The following GATAD2B variants were observed in gnomAD, a reference collection of about 807,000 sequenced individuals.
GATAD2B encodes GATA zinc finger domain containing 2B.
In GATAD2B, 8 loss-of-function variants were observed where a neutral mutation model predicts 64.3. The observed-to-expected ratio is 0.12, with a 90% confidence interval of 0.07 to 0.22. The LOEUF (loss-of-function observed/expected upper bound fraction) is 0.22, where lower values mean the gene tolerates loss of function less well. Among genes scored for constraint, GATAD2B ranks in the 10% least tolerant of loss-of-function variants. The pLI, the probability that GATAD2B is intolerant of heterozygous loss-of-function variation, is 1.00. For synonymous variants in GATAD2B, 281 were observed against 271.3 expected, an observed-to-expected ratio of 1.04 and a Z score of -0.35; for missense variants, 453 against 752.0, an observed-to-expected ratio of 0.60 and a Z score of 4.65.
chr1:153,888,533 A>G lies in GATAD2B; in HGVS notation c.-2+34200T>C, dbSNP rs149522092. Among the ~76,000 whole-genome samples, 79 of 152,292 alleles carry G rather than the reference A, an allele frequency of 5.2e-4. 1 individual carries two copies. The highest frequency in any genetic ancestry group is 1.8e-3 in the African/African-American group (75 of 41,570). On this transcript the variant is annotated intron_variant, in intron 1 of 10. Transcript: ENST00000368655. ...TCACTCCGATCTGTACCTTCCCTCT[A>G]TCTTTGCAGGGGGACCAAGTTCTTT...
chr1:153,814,988 A>G (rs1557779956), intron 7 of GATAD2B, among the ~76,000 whole-genome samples: 1 of 148,586 alleles, frequency 6.7e-6, no homozygotes, highest in Non-Finnish European at 1.5e-5. Flanking sequence ...AAAAAAAAAA[A>G]AAGAATTGCT....
intron 2 of GATAD2B, among the ~76,000 whole-genome samples, chr1:153,821,725 G>A (rs909511677): frequency 6.6e-6 from 1 of 151,868 alleles, no homozygotes; most frequent in African/African-American, 2.4e-5. Flanking sequence ...CACCGCGCCT[G>A]GCTAATTTTT....
intron 7 of GATAD2B, among the ~76,000 whole-genome samples, chr1:153,815,755 C>A (rs2101879196): frequency 6.6e-6 from 1 of 152,276 alleles, no homozygotes; most frequent in South Asian, 2.1e-4. Context: ...CATAGGCAGG[C>A]TGGCCCCGGC....
chr1:153,910,115 A>AAAT (rs903753103), intron 1 of GATAD2B, among the ~76,000 whole-genome samples: 47 of 151,662 alleles, frequency 3.1e-4, no homozygotes, highest in South Asian at 1.5e-3. Context: ...CTCCGTCTCA[A>AAAT]AATAATAATA....
chr1:153,885,980 A>G (rs566844085), intron 1 of GATAD2B, among the ~76,000 whole-genome samples: 1 of 152,318 alleles, frequency 6.6e-6, no homozygotes, highest in South Asian at 2.1e-4. Context: ...ATAAGAAAAG[A>G]GGTGATATCC....
intron 1 of GATAD2B, among the ~76,000 whole-genome samples, chr1:153,864,704 T>A (rs567399566): frequency 6.6e-6 from 1 of 152,150 alleles, no homozygotes; most frequent in African/African-American, 2.4e-5. Flanking sequence ...AAACCAAGTA[T>A]CTAATTCTCA....
intron 1 of GATAD2B, among the ~76,000 whole-genome samples, chr1:153,863,306 A>T (rs1014445659): frequency 1.3e-5 from 2 of 151,854 alleles, no homozygotes; most frequent in African/African-American, 4.8e-5. Context: ...ATGGTCTTGA[A>T]CTGTCTCTAC....
At chr1:153,830,562 G>A (rs1217678461) in intron 1 of GATAD2B, among the ~76,000 whole-genome samples, 27 of 142,150 alleles carry the variant, frequency 1.9e-4, no homozygotes, top group Admixed American at 1.3e-3. Flanking sequence ...TGCAAGCTCC[G>A]CCTCCCGGGT....
intron 1 of GATAD2B, among the ~76,000 whole-genome samples, chr1:153,872,306 A>C (rs910256911): frequency 6.5e-4 from 88 of 136,248 alleles, no homozygotes; most frequent in Admixed American, 1.3e-3. Flanking sequence ...GTGACAGAGG[A>C]CTCTGTCTCC....
At position 153,896,595 on chromosome 1, in the gene GATAD2B, C is replaced by G. The variant is rs368385475; in HGVS notation, c.-2+26138G>C. Among the ~76,000 whole-genome samples the G allele has an allele frequency of 1.3e-5, 2 of 152,012 alleles. 1 individual carries two copies. The highest frequency in any genetic ancestry group is 4.8e-5 in the African/African-American group (2 of 41,360). ...GGGATTACAAGCATGCACCACCACA[C>G]CCAGCTAATTTTGTATTTTTAGTAG... On this transcript the variant is annotated intron_variant, in intron 1 of 10. Transcript: ENST00000368655.
chr1:153,874,025 C>A (rs1410206478), intron 1 of GATAD2B, among the ~76,000 whole-genome samples: 1 of 151,910 alleles, frequency 6.6e-6, no homozygotes, highest in Non-Finnish European at 1.5e-5. Flanking sequence ...TTTGGGAGGC[C>A]GAGGAGGGTG....
At chr1:153,814,365 T>C (rs1393245710) in intron 7 of GATAD2B, among the ~76,000 whole-genome samples, 1 of 152,216 alleles carries the variant, frequency 6.6e-6, no homozygotes, top group African/African-American at 2.4e-5. Context: ...TTTACAGCTT[T>C]TTATAAGGTC....
rs1392130440 is a variant in GATAD2B, at chr1:153,807,884, C to A, written c.*2293G>T. On this transcript the variant is annotated 3_prime_UTR_variant, in exon 11 of 11. Transcript: ENST00000368655. ...GGGAGACGTAACAGAAATGGCACTTCATCATGAGGGAGGGAGGAAGAGGCT... is the reference window on the plus strand; with the variant it reads ...GGGAGACGTAACAGAAATGGCACTTAATCATGAGGGAGGGAGGAAGAGGCT... The A allele has an allele frequency of 1.3e-5, 2 of 152,454 alleles. No individual in the cohort carries two copies. The highest frequency in any genetic ancestry group is 1.3e-4 in the Admixed American group (2 of 15,264). The allele number at this position is 152,454 out of a possible 1,614,324, so 9.4% of individuals were successfully genotyped here.
intron 1 of GATAD2B, among the ~76,000 whole-genome samples, chr1:153,920,430 C>T (rs1217608380): frequency 6.6e-6 from 1 of 152,226 alleles, no homozygotes; most frequent in Non-Finnish European, 1.5e-5. Context: ...TCACACTTCC[C>T]TCTGCCACCA....
At chr1:153,835,898 T>G (rs887208186) in intron 1 of GATAD2B, among the ~76,000 whole-genome samples, 1 of 152,044 alleles carries the variant, frequency 6.6e-6, no homozygotes, top group Non-Finnish European at 1.5e-5. Flanking sequence ...ACTTTTTGTA[T>G]TTTTAGTAGA....
chr1:153,911,505 C>T (rs1357339448), intron 1 of GATAD2B, among the ~76,000 whole-genome samples: 1 of 152,074 alleles, frequency 6.6e-6, no homozygotes, highest in African/African-American at 2.4e-5. Context: ...GAGGCCGAGG[C>T]GGGTGGATCG....
At chr1:153,836,310 C>T (rs1570944577) in intron 1 of GATAD2B, among the ~76,000 whole-genome samples, 1 of 142,582 alleles carries the variant, frequency 7.0e-6, no homozygotes, top group Non-Finnish European at 1.5e-5. Context: ...GGCTGGAGTG[C>T]AGTGGCACAG....
chr1:153,887,635 C>T (rs1217858586), intron 1 of GATAD2B, among the ~76,000 whole-genome samples: 3 of 152,014 alleles, frequency 2.0e-5, no homozygotes, highest in East Asian at 1.9e-4. Context: ...GACAAGGTTT[C>T]GCTGTGTTGT....
chr1:153,882,207 T>C (rs1214859080), intron 1 of GATAD2B, among the ~76,000 whole-genome samples: 2 of 152,148 alleles, frequency 1.3e-5, no homozygotes, highest in Non-Finnish European at 2.9e-5. Context: ...TCTTCATGAA[T>C]GAGAGCTAGT....
Sources: gnomAD v4.1 joint callset for allele counts (sites outside exome capture counted in the v4.1 genomes callset) on GRCh38, gnomAD v4.1.1 for gene constraint, MANE v1.5 for transcripts, NCBI Gene and HGNC (gene_info 2026-07-23, HGNC 2026-07-21) for gene names.